The following BMPER variants were observed in gnomAD, a reference collection of about 807,000 sequenced individuals.
BMPER encodes BMP-binding endothelial regulator protein.
BMPER carries 45 observed loss-of-function variants against 87.3 expected under a neutral mutation model. That is an observed-to-expected ratio of 0.52 (90% CI 0.41 to 0.66). BMPER has a LOEUF of 0.66. Ranked by LOEUF, BMPER falls within the 30% of genes least tolerant of loss-of-function variation. The pLI, the probability that BMPER is intolerant of heterozygous loss-of-function variation, is 0.00. For synonymous variants in BMPER, 326 were observed against 316.2 expected, an observed-to-expected ratio of 1.03 and a Z score of -0.33; for missense variants, 784 against 867.5, an observed-to-expected ratio of 0.90 and a Z score of 1.21.
chr7:33,980,713 T>A (rs1785829847), intron 6 of BMPER, among the ~76,000 whole-genome samples: 1 of 152,172 alleles, frequency 6.6e-6, no homozygotes, highest in Non-Finnish European at 1.5e-5. Flanking sequence ...AAGTCCTCTG[T>A]CTGTAAAACC....
At chr7:34,076,430 G>A (rs577145095) in intron 11 of BMPER, among the ~76,000 whole-genome samples, 2 of 152,224 alleles carry the variant, frequency 1.3e-5, no homozygotes, top group South Asian at 2.1e-4. Flanking sequence ...TTTGGCGGGG[G>A]TTGTGCATAT....
rs1359996773 is a variant in BMPER, at chr7:33,998,918, G to A, written c.576+24134G>A. On this transcript the variant is annotated intron_variant, in intron 6 of 14. Coordinates refer to ENST00000649409, the MANE Select transcript of BMPER (RefSeq NM_001365308.1). Reference sequence around the variant, plus strand: ...GGTGAAGTTTTGAAGGCCTCAGCAGGAGAGAAGCCTCTAGTGTTGGGAAGG... The same window carrying A: ...GGTGAAGTTTTGAAGGCCTCAGCAGAAGAGAAGCCTCTAGTGTTGGGAAGG... Among the ~76,000 whole-genome samples, 4 of 152,336 alleles carry A rather than the reference G, an allele frequency of 2.6e-5. No individual in the cohort carries two copies. In the East Asian group the frequency reaches 7.7e-4, roughly 29 times the overall value.
chr7:34,149,954 G>A (rs929177980), intron 14 of BMPER, among the ~76,000 whole-genome samples: 3 of 152,162 alleles, frequency 2.0e-5, no homozygotes, highest in Admixed American at 2.0e-4. Flanking sequence ...AATATTTGTT[G>A]TTAAGTAGAT....
intron 6 of BMPER, among the ~76,000 whole-genome samples, chr7:34,009,206 C>T (rs1786815504): frequency 6.6e-6 from 1 of 151,832 alleles, no homozygotes; most frequent in Non-Finnish European, 1.5e-5. Context: ...AGCCCAGCTT[C>T]AACCCTATTT....
intron 13 of BMPER, among the ~76,000 whole-genome samples, chr7:34,099,118 C>A (rs1161014804): frequency 2.6e-5 from 4 of 152,056 alleles, no homozygotes; most frequent in Admixed American, 1.3e-4. Context: ...CACTATGTGC[C>A]TGGCAGCAGC....
At chr7:33,909,289 A>G (rs906896226) in intron 2 of BMPER, among the ~76,000 whole-genome samples, 1 of 152,202 alleles carries the variant, frequency 6.6e-6, no homozygotes, top group Non-Finnish European at 1.5e-5. Flanking sequence ...GTCTGCCTCT[A>G]GAGCACATGC....
chr7:34,065,199 ACTCACTCTCT>A (rs1251797564), intron 11 of BMPER, among the ~76,000 whole-genome samples: 1,354 of 94,090 alleles, frequency 0.014, 33 homozygotes, highest in African/African-American at 0.045. Context: ...ACACATACAC[ACTCACTCTCT>A]CTCTCTCTCT....
intron 13 of BMPER, among the ~76,000 whole-genome samples, chr7:34,130,298 C>T (rs537597684): frequency 6.6e-6 from 1 of 152,254 alleles, no homozygotes; most frequent in African/African-American, 2.4e-5. Context: ...CTCATTGCCT[C>T]CCATATTTTC....
chr7:34,003,560 C>T (rs193118993), intron 6 of BMPER, among the ~76,000 whole-genome samples: 16 of 152,022 alleles, frequency 1.1e-4, no homozygotes, highest in East Asian at 3.9e-4. Context: ...GATTAATGTC[C>T]GCTTATTTCA....
At chr7:34,056,244 G>A (rs564261641) in intron 9 of BMPER, among the ~76,000 whole-genome samples, 148 of 152,300 alleles carry the variant, frequency 9.7e-4, no homozygotes, top group African/African-American at 3.2e-3. Context: ...TTGGGGGGTA[G>A]GGTGGAGGGA....
intron 2 of BMPER, among the ~76,000 whole-genome samples, chr7:33,925,027 C>T (rs372050614): frequency 1.3e-5 from 2 of 152,130 alleles, no homozygotes; most frequent in African/African-American, 2.4e-5. Flanking sequence ...TCCCTTGTCC[C>T]GCTTGATTTT....
chr7:34,009,526 T>A (rs915153721), intron 6 of BMPER, among the ~76,000 whole-genome samples: 5 of 151,916 alleles, frequency 3.3e-5, no homozygotes, highest in Non-Finnish European at 7.4e-5. Context: ...AGTAGCAGAC[T>A]TAGCTGTTGG....
intron 11 of BMPER, among the ~76,000 whole-genome samples, chr7:34,070,117 G>A (rs1356655128): frequency 6.6e-6 from 1 of 152,040 alleles, no homozygotes; most frequent in African/African-American, 2.4e-5. Flanking sequence ...AAGCTTTGAG[G>A]TCCTTAACAT....
intron 5 of BMPER, among the ~76,000 whole-genome samples, chr7:33,972,670 CCA>C (rs1785579381): frequency 6.6e-6 from 1 of 152,072 alleles, no homozygotes; most frequent in Non-Finnish European, 1.5e-5. Context: ...CCTCCCATGC[CCA>C]CACACACCGC....
chr7:34,010,524 A>G (rs1225331376), intron 6 of BMPER, among the ~76,000 whole-genome samples: 1 of 151,866 alleles, frequency 6.6e-6, no homozygotes, highest in Non-Finnish European at 1.5e-5. Flanking sequence ...CACTTGTGCT[A>G]CTCTTTGAAT....
chr7:33,906,286 C>G (rs1208727806), intron 1 of BMPER, among the ~76,000 whole-genome samples: 1 of 152,120 alleles, frequency 6.6e-6, no homozygotes, highest in Non-Finnish European at 1.5e-5. Flanking sequence ...ACACCTGGTG[C>G]AGAAAAGAAA....
rs138592488 is a variant in BMPER, at chr7:34,060,106, C to T, written c.1033-1896C>T. ...TAGACCCTGCTTATGGAAGAGCCTG[C>T]AGCATGACCAGAGTCTTACGGCTAA... On this transcript the variant is annotated intron_variant, in intron 10 of 14. Transcript: ENST00000649409. Among the ~76,000 whole-genome samples, 3 of 152,254 alleles carry T rather than the reference C, an allele frequency of 2.0e-5. No homozygotes were observed. In the East Asian group the frequency reaches 5.8e-4, roughly 29 times the overall value.
intron 13 of BMPER, among the ~76,000 whole-genome samples, chr7:34,129,289 T>C (rs938937571): frequency 4.0e-5 from 6 of 151,844 alleles, no homozygotes; most frequent in African/African-American, 1.5e-4. Flanking sequence ...GATCATAAGG[T>C]CAGGAGTTTG....
intron 13 of BMPER, among the ~76,000 whole-genome samples, chr7:34,126,086 A>C (rs1006979769): frequency 2.0e-5 from 3 of 152,194 alleles, no homozygotes; most frequent in African/African-American, 7.2e-5. Context: ...TTCTGACTTG[A>C]GAGAAGGTGA....
Sources: allele counts gnomAD v4.1 joint callset (sites outside exome capture counted in the v4.1 genomes callset), GRCh38; gene constraint gnomAD v4.1.1; transcripts MANE v1.5; gene names NCBI Gene and HGNC (gene_info 2026-07-23, HGNC 2026-07-21).